PCDH9: variants seen among roughly 807,000 people sequenced by gnomAD.
PCDH9 encodes protocadherin-9.
PCDH9 carries 24 observed loss-of-function variants against 70.6 expected under a neutral mutation model. The observed-to-expected ratio is 0.34, with a 90% CI of 0.25 to 0.48. The LOEUF (loss-of-function observed/expected upper bound fraction) is 0.48, where lower values mean the gene tolerates loss of function less well. Among genes scored for constraint, PCDH9 ranks in the 20% least tolerant of loss-of-function variants. The pLI, the probability that PCDH9 is intolerant of heterozygous loss-of-function variation, is 0.99. For synonymous variants in PCDH9, 562 were observed against 558.5 expected, an observed-to-expected ratio of 1.01 and a Z score of -0.09; for missense variants, 1,281 against 1,503.6, an observed-to-expected ratio of 0.85 and a Z score of 2.45.
intron 4 of PCDH9, among the ~76,000 whole-genome samples, chr13:66,521,258 A>G (rs1327624656): frequency 6.6e-6 from 1 of 152,146 alleles, no homozygotes; most frequent in Non-Finnish European, 1.5e-5. Flanking sequence ...TGTGTTGAGT[A>G]ATGTGGTTAG....
At chr13:66,361,710 C>T in intron 4 of PCDH9, among the ~76,000 whole-genome samples, 1 of 152,138 alleles carries the variant, frequency 6.6e-6, no homozygotes, top group East Asian at 1.9e-4. Flanking sequence ...CATTAAGCTA[C>T]ACATTTTAAG....
At chr13:66,722,002 T>C (rs942118329) in intron 3 of PCDH9, among the ~76,000 whole-genome samples, 1 of 152,184 alleles carries the variant, frequency 6.6e-6, no homozygotes, top group African/African-American at 2.4e-5. Flanking sequence ...CATCCTAGTC[T>C]GTTTCATCCT....
intron 4 of PCDH9, among the ~76,000 whole-genome samples, chr13:66,568,776 C>A (rs1269366632): frequency 7.3e-5 from 11 of 149,714 alleles, no homozygotes; most frequent in South Asian, 2.1e-4. Context: ...AAAATATATT[C>A]AAAAATATAG....
intron 2 of PCDH9, among the ~76,000 whole-genome samples, chr13:67,047,400 C>T (rs1415493809): frequency 6.6e-6 from 1 of 152,134 alleles, no homozygotes; most frequent in African/African-American, 2.4e-5. Context: ...ACAACAGTGG[C>T]ATTTATATTT....
At chr13:66,510,781 C>T (rs1409777115) in intron 4 of PCDH9, among the ~76,000 whole-genome samples, 3 of 152,090 alleles carry the variant, frequency 2.0e-5, no homozygotes, top group Non-Finnish European at 4.4e-5. Flanking sequence ...TGGGTTGGTT[C>T]CAAGTCTTTG....
chr13:66,981,205 C>A (rs7986875), intron 2 of PCDH9, among the ~76,000 whole-genome samples: 2 of 152,134 alleles, frequency 1.3e-5, no homozygotes, highest in Non-Finnish European at 2.9e-5. Flanking sequence ...TCGGGAGGCC[C>A]AGGCGGGCGG....
At chr13:66,683,942 A>G (rs897809456) in intron 3 of PCDH9, among the ~76,000 whole-genome samples, 5 of 152,156 alleles carry the variant, frequency 3.3e-5, no homozygotes, top group Non-Finnish European at 7.4e-5. Flanking sequence ...AATGACATCA[A>G]TATTGTTCTG....
At chr13:66,839,350 C>G (rs1218834555) in intron 3 of PCDH9, among the ~76,000 whole-genome samples, 1 of 152,124 alleles carries the variant, frequency 6.6e-6, no homozygotes, top group African/African-American at 2.4e-5. Flanking sequence ...ATCCCCAAAT[C>G]TATCGTTTTC....
chr13:66,464,484 G>T (rs904850717), intron 4 of PCDH9, among the ~76,000 whole-genome samples: 1 of 151,922 alleles, frequency 6.6e-6, no homozygotes, highest in Non-Finnish European at 1.5e-5. Flanking sequence ...GTGTTCTAAA[G>T]AGCATTTTGT....
chr13:66,471,074 T>C (rs558945833), intron 4 of PCDH9, among the ~76,000 whole-genome samples: 1 of 152,058 alleles, frequency 6.6e-6, no homozygotes, highest in Non-Finnish European at 1.5e-5. Context: ...AATGATTCCT[T>C]ATCGTGTAAG....
At chr13:67,165,618 T>C (rs983444059) in intron 2 of PCDH9, among the ~76,000 whole-genome samples, 6 of 152,074 alleles carry the variant, frequency 3.9e-5, no homozygotes, top group Non-Finnish European at 7.4e-5. Context: ...TATCTATCTA[T>C]CTACCCCCTC....
At chr13:66,842,823 A>C (rs1390235581) in intron 3 of PCDH9, among the ~76,000 whole-genome samples, 1 of 152,218 alleles carries the variant, frequency 6.6e-6, no homozygotes, top group Non-Finnish European at 1.5e-5. Flanking sequence ...GGGTGAAGGG[A>C]GTGATTTTCT....
chr13:67,158,372 T>A (rs2087867742), intron 2 of PCDH9, among the ~76,000 whole-genome samples: 1 of 152,228 alleles, frequency 6.6e-6, no homozygotes, highest in Non-Finnish European at 1.5e-5. Flanking sequence ...TGCCAATGAA[T>A]GAAAGGCCCT....
At chr13:66,666,841 AT>A (rs1268305054) in intron 3 of PCDH9, among the ~76,000 whole-genome samples, 1 of 152,166 alleles carries the variant, frequency 6.6e-6, no homozygotes, top group African/African-American at 2.4e-5. Context: ...AAAGATTTGA[AT>A]ATATGAAATA....
intron 4 of PCDH9, among the ~76,000 whole-genome samples, chr13:66,539,656 A>T (rs1221528374): frequency 6.6e-6 from 1 of 152,092 alleles, no homozygotes; most frequent in Admixed American, 6.6e-5. Context: ...TAAGTCATGG[A>T]GTATTGGGTT....
chr13:67,023,002 A>G (rs1381730430), intron 2 of PCDH9, among the ~76,000 whole-genome samples: 1 of 152,230 alleles, frequency 6.6e-6, no homozygotes, highest in Non-Finnish European at 1.5e-5. Context: ...TGAAAATAGC[A>G]ATTTATTCAC....
At chr13:67,154,924 T>C (rs542452529) in intron 2 of PCDH9, among the ~76,000 whole-genome samples, 12 of 151,978 alleles carry the variant, frequency 7.9e-5, no homozygotes, top group African/African-American at 2.9e-4. Context: ...TGTTGGTCAG[T>C]CTGGTCTCGA....
chr13:66,876,412 ACAT>A (rs1566259462), intron 3 of PCDH9, among the ~76,000 whole-genome samples: 1 of 152,120 alleles, frequency 6.6e-6, no homozygotes, highest in Non-Finnish European at 1.5e-5. Flanking sequence ...AAAATACAAA[ACAT>A]CATGTTTCAC....
At chr13:67,102,651 G>A (rs2086458531) in intron 2 of PCDH9, among the ~76,000 whole-genome samples, 1 of 152,108 alleles carries the variant, frequency 6.6e-6, no homozygotes, top group South Asian at 2.1e-4. Flanking sequence ...ATACATGACA[G>A]AGATAATCTA....
Sources: allele counts gnomAD v4.1 joint callset (sites outside exome capture counted in the v4.1 genomes callset), GRCh38; gene constraint gnomAD v4.1.1; transcripts MANE v1.5; gene names NCBI Gene and HGNC (gene_info 2026-07-23, HGNC 2026-07-21).